The following MYO1D variants were observed in gnomAD, a reference collection of about 807,000 sequenced individuals.
The protein encoded by MYO1D is unconventional myosin-Id.
A neutral mutation model predicts 122.0 loss-of-function variants in MYO1D; 83 were observed. The ratio of observed to expected loss-of-function variants is 0.68; its 90% CI spans 0.57 to 0.82. MYO1D has a LOEUF of 0.82. MYO1D is among the 40% of genes least tolerant of loss of function. The pLI, the probability that MYO1D is intolerant of heterozygous loss-of-function variation, is 0.00. For synonymous variants in MYO1D, 464 were observed against 446.9 expected, an observed-to-expected ratio of 1.04 and a Z score of -0.48; for missense variants, 1,157 against 1,269.5, an observed-to-expected ratio of 0.91 and a Z score of 1.35.
rs897605960 is a variant in MYO1D at position 32,801,269 on chromosome 17, T to C, written c.96-20485A>G. On this transcript the variant is annotated intron_variant, in intron 1 of 21. Coordinates refer to ENST00000318217, the MANE Select transcript of MYO1D (RefSeq NM_015194.3). ...ATAACTAAAACTACTAATATTCTTA[T>C]TTTAAAATTCCAGGAAATACTTTGT... Among the ~76,000 whole-genome samples, 3 of 152,372 alleles carry C rather than the reference T, an allele frequency of 2.0e-5. No homozygotes were observed. In the South Asian group the frequency reaches 6.2e-4, roughly 32 times the overall value.
At chr17:32,528,466 T>G (rs2150871680) in intron 21 of MYO1D, among the ~76,000 whole-genome samples, 1 of 152,168 alleles carries the variant, frequency 6.6e-6, no homozygotes, top group Admixed American at 6.5e-5. Flanking sequence ...TATGTGTGTG[T>G]GTGTGTATGT....
chr17:32,725,376 T>A (rs1306504374), intron 14 of MYO1D, among the ~76,000 whole-genome samples: 1 of 151,780 alleles, frequency 6.6e-6, no homozygotes, highest in East Asian at 1.9e-4. Context: ...AAAAATTAGC[T>A]GGGCATGGTG....
At chr17:32,627,804 G>C (rs905904248) in intron 20 of MYO1D, 3 of 152,154 alleles carry the variant, frequency 2.0e-5, no homozygotes, top group African/African-American at 7.2e-5. Flanking sequence ...GCTGAGGTAA[G>C]GTTATATGTT....
intron 20 of MYO1D, among the ~76,000 whole-genome samples, chr17:32,614,538 T>C (rs577015726): frequency 6.6e-6 from 1 of 152,306 alleles, no homozygotes; most frequent in East Asian, 1.9e-4. Context: ...TCTGGCTTTT[T>C]GCAGGACACC....
chr17:32,799,461 T>A (rs2090443506), intron 1 of MYO1D, among the ~76,000 whole-genome samples: 1 of 152,198 alleles, frequency 6.6e-6, no homozygotes, highest in African/African-American at 2.4e-5. Flanking sequence ...TAAATGGTGT[T>A]AGGAAAACTG....
chr17:32,756,440 C>T (rs2089948008), intron 10 of MYO1D, among the ~76,000 whole-genome samples: 1 of 152,044 alleles, frequency 6.6e-6, no homozygotes, highest in Admixed American at 6.6e-5. Flanking sequence ...TGTGTAAATG[C>T]CATGCACTGA....
At chr17:32,588,561 C>G (rs549478543) in intron 21 of MYO1D, among the ~76,000 whole-genome samples, 12 of 152,270 alleles carry the variant, frequency 7.9e-5, no homozygotes, top group Non-Finnish European at 1.5e-4. Flanking sequence ...TTTTTCAAGA[C>G]TAGTTTTTGG....
intron 20 of MYO1D, among the ~76,000 whole-genome samples, chr17:32,613,581 C>A (rs1405587293): frequency 1.3e-5 from 2 of 151,924 alleles, no homozygotes; most frequent in African/African-American, 4.8e-5. Context: ...CAAGATCATC[C>A]TAGCCAACAT....
In MYO1D at chr17:32,616,276, T is replaced by A. The variant is rs150762166; in HGVS notation, c.2710-11035A>T. 9.9e-5 allele frequency among the ~76,000 whole-genome samples: 15 copies of A among 152,236 alleles called. No homozygotes were observed. In the East Asian group the frequency reaches 2.5e-3, roughly 26 times the overall value. On this transcript the variant is annotated intron_variant, in intron 20 of 21. Transcript: ENST00000318217. ...TGGTATTATAAGGAGATGAGACTTT[T>A]GGGACATCTTGGGAGTGGGTAAGCA...
intron 20 of MYO1D, among the ~76,000 whole-genome samples, chr17:32,607,789 A>G (rs974379453): frequency 1.3e-5 from 2 of 152,150 alleles, no homozygotes; most frequent in Non-Finnish European, 2.9e-5. Flanking sequence ...TAATCAAGAC[A>G]ATAATTTAGA....
chr17:32,541,642 T>A (rs1254442949), intron 21 of MYO1D, among the ~76,000 whole-genome samples: 1 of 152,176 alleles, frequency 6.6e-6, no homozygotes, highest in Admixed American at 6.5e-5. Context: ...CAGAGAGTGG[T>A]CCAGTCCCAG....
chr17:32,602,501 A>T (rs903972640), intron 21 of MYO1D: 1 of 152,194 alleles, frequency 6.6e-6, no homozygotes, highest in African/African-American at 2.4e-5. Flanking sequence ...TCTAGGGCCA[A>T]TTATTCCCCC....
chr17:32,713,234 A>AG (rs1406412941), intron 15 of MYO1D, among the ~76,000 whole-genome samples: 1 of 152,108 alleles, frequency 6.6e-6, no homozygotes, highest in Non-Finnish European at 1.5e-5. Flanking sequence ...ATATGGTGTG[A>AG]GGTATGGATC....
chr17:32,826,239 C>T (rs1007810495), intron 1 of MYO1D, among the ~76,000 whole-genome samples: 6 of 152,038 alleles, frequency 3.9e-5, no homozygotes, highest in Non-Finnish European at 8.8e-5. Flanking sequence ...TCCACCTTCA[C>T]ATAACTTAAC....
intron 21 of MYO1D, among the ~76,000 whole-genome samples, chr17:32,581,536 CCTCTCT>C (rs539933871): frequency 3.4e-5 from 5 of 147,676 alleles, no homozygotes; most frequent in Admixed American, 6.8e-5. Context: ...TCTCTTCCTT[CCTCTCT>C]CTCTCTCTCT....
At chr17:32,872,237 G>C (rs2091185669) in intron 1 of MYO1D, among the ~76,000 whole-genome samples, 1 of 152,166 alleles carries the variant, frequency 6.6e-6, no homozygotes, top group Admixed American at 6.5e-5. Flanking sequence ...CTCCTTCTCA[G>C]ATATTCCAGG....
chr17:32,748,589 A>G, intron 12 of MYO1D, among the ~76,000 whole-genome samples: 1 of 152,106 alleles, frequency 6.6e-6, no homozygotes, highest in East Asian at 1.9e-4. Context: ...ACTCTTCACT[A>G]AACTGTTGGT....
intron 19 of MYO1D, among the ~76,000 whole-genome samples, chr17:32,646,217 C>T (rs2088292041): frequency 6.6e-6 from 1 of 152,084 alleles, no homozygotes; most frequent in African/African-American, 2.4e-5. Flanking sequence ...ACTATGAAAC[C>T]CTTTTTCAGC....
At chr17:32,522,672 T>A (rs977748126) in intron 21 of MYO1D, among the ~76,000 whole-genome samples, 4 of 151,988 alleles carry the variant, frequency 2.6e-5, no homozygotes, top group African/African-American at 9.7e-5. Flanking sequence ...CCTAATGACA[T>A]GAAGAACACG....
Sources: gnomAD v4.1 joint callset for allele counts (sites outside exome capture counted in the v4.1 genomes callset) on GRCh38, gnomAD v4.1.1 for gene constraint, MANE v1.5 for transcripts, NCBI Gene and HGNC (gene_info 2026-07-23, HGNC 2026-07-21) for gene names.